SHANK2: variants seen among roughly 807,000 people sequenced by gnomAD.
SHANK2 encodes the protein SH3 and multiple ankyrin repeat domains 2, also known as SH3 and multiple ankyrin repeat domains protein 2.
A neutral mutation model predicts 133.7 loss-of-function variants in SHANK2; 43 were observed. The observed-to-expected ratio is 0.32, with a 90% confidence interval of 0.25 to 0.41. The LOEUF is 0.41. Among genes scored for constraint, SHANK2 ranks in the 10% least tolerant of loss-of-function variants. The pLI, the probability that SHANK2 is intolerant of heterozygous loss-of-function variation, is 1.00. For synonymous variants in SHANK2, 1,017 were observed against 952.8 expected, an observed-to-expected ratio of 1.07 and a Z score of -1.24; for missense variants, 1,994 against 2,235.8, an observed-to-expected ratio of 0.89 and a Z score of 2.18.
chr11:70,746,314 C>G (rs1454328006), intron 14 of SHANK2, among the ~76,000 whole-genome samples: 1 of 151,932 alleles, frequency 6.6e-6, no homozygotes, highest in Non-Finnish European at 1.5e-5. Flanking sequence ...CGGGCTGCCC[C>G]ATGCTCACAG....
chr11:70,820,414 C>T lies in SHANK2; in HGVS notation c.1443G>A (p.Leu481=). 1.4e-6 allele frequency: 1 copy of T among 698,732 alleles called. No homozygotes were observed. The allele number at this position is 698,732 out of a possible 1,614,324, so 43.3% of individuals were successfully genotyped here. A position where few individuals can be genotyped will look rare whatever the true frequency, so the allele number is the denominator to read the frequency against. Residue 481 remains leucine, a synonymous_variant, in exon 12 of 26, where the codon CTG becomes CTA. Transcript: ENST00000601538. The stretch of plus-strand genomic sequence containing the variant: ...TCTTGCCGTCCTCGCCTGCGCCGCC[C>T]AGCCTGTTGAGCGATGGGGACCGGC... The part of the protein sequence containing the change: ...PRSRSPSLNR[L]GGAGEDGKRP...
intron 2 of SHANK2, among the ~76,000 whole-genome samples, chr11:71,200,844 A>ACC (rs1954005148): frequency 6.6e-6 from 1 of 151,654 alleles, no homozygotes; most frequent in Non-Finnish European, 1.5e-5. Context: ...ACACACACAC[A>ACC]CACACACACA....
intron 11 of SHANK2, among the ~76,000 whole-genome samples, chr11:70,885,483 G>A (rs1949724895): frequency 6.6e-6 from 1 of 152,232 alleles, no homozygotes; most frequent in East Asian, 1.9e-4. Context: ...CAGGGACTCC[G>A]TGTCCTCCAC....
At chr11:71,079,383 T>C (rs972661613) in intron 8 of SHANK2, among the ~76,000 whole-genome samples, 3 of 152,210 alleles carry the variant, frequency 2.0e-5, no homozygotes, top group African/African-American at 7.2e-5. Context: ...GCTCTCCGCG[T>C]GGAGGGCATA....
In SHANK2 at chr11:70,807,218, G is replaced by A; in HGVS notation, c.1494-47C>T. 1 of 699,182 alleles carries A rather than the reference G, an allele frequency of 1.4e-6. No individual in the cohort carries two copies. The highest frequency in any genetic ancestry group is 2.7e-5 in the East Asian group (1 of 37,100). 43.3% of individuals were successfully genotyped at this position (699,182 alleles called of 1,614,324 possible). On this transcript the variant is annotated intron_variant, in intron 12 of 25. Coordinates refer to ENST00000601538, the MANE Select transcript of SHANK2 (RefSeq NM_012309.5). The surrounding 1 kb of genome is among the most constrained non-coding windows in gnomAD (Gnocchi z 4.8). ...GAGAGAGAGAGAGCAGAGTCACAAG[G>A]TCACAAGCCACATGCCACAAACCAC...
intron 3 of SHANK2, among the ~76,000 whole-genome samples, chr11:71,135,482 G>GTTT (rs71949830): frequency 1.3e-4 from 15 of 115,706 alleles, no homozygotes; most frequent in Admixed American, 1.9e-4. Flanking sequence ...GGGGGGATAT[G>GTTT]TTTTTTTTTT....
intron 15 of SHANK2, among the ~76,000 whole-genome samples, chr11:70,678,659 C>T (rs1185300869): frequency 6.6e-6 from 1 of 150,968 alleles, no homozygotes; most frequent in Non-Finnish European, 1.5e-5. Context: ...TCTCCAGCCT[C>T]AGCCTCCCAA....
At chr11:71,244,624 G>A (rs782126685) in intron 1 of SHANK2, among the ~76,000 whole-genome samples, 60 of 152,176 alleles carry the variant, frequency 3.9e-4, no homozygotes, top group Admixed American at 3.3e-3. Flanking sequence ...GAGCAGATAC[G>A]GGAACCCAGC....
chr11:71,184,693 C>A (rs1303387358), intron 2 of SHANK2, among the ~76,000 whole-genome samples: 1 of 152,208 alleles, frequency 6.6e-6, no homozygotes, highest in African/African-American at 2.4e-5. Flanking sequence ...ACTGTCTGGT[C>A]TGCCACTTGG....
chr11:70,613,518 TA>T, intron 17 of SHANK2, among the ~76,000 whole-genome samples: 1 of 152,172 alleles, frequency 6.6e-6, no homozygotes, highest in African/African-American at 2.4e-5. Context: ...TTTCTTTTTT[TA>T]AAAACAAAGT....
intron 17 of SHANK2, among the ~76,000 whole-genome samples, chr11:70,651,391 T>TA (rs1555010083): frequency 6.6e-6 from 1 of 152,024 alleles, no homozygotes; most frequent in African/African-American, 2.4e-5. Context: ...TCCCAGTCAA[T>TA]ATGGAGGACA....
intron 14 of SHANK2, among the ~76,000 whole-genome samples, chr11:70,757,470 G>T (rs1555039180): frequency 6.6e-6 from 1 of 152,228 alleles, no homozygotes; most frequent in East Asian, 1.9e-4. Context: ...TGCGGCAGCA[G>T]CTCCCATGGC....
chr11:71,188,745 G>A lies in SHANK2; in HGVS notation c.-13+35952C>T, dbSNP rs1319415717. Among the ~76,000 whole-genome samples the A allele has an allele frequency of 2.0e-5, 3 of 152,122 alleles. No homozygotes were observed. Among genetic ancestry groups the A allele is most frequent in the South Asian group, 2.1e-4 (1 of 4,822 alleles). ...TCCTCATCTGCTGAGGGCCTGCCAC[G>A]TCCCTGCACTGTGCTGGGTGCTGGC... On this transcript the variant is annotated intron_variant, in intron 2 of 25. Transcript: ENST00000601538. The surrounding 1 kb of genome is among the most constrained non-coding windows in gnomAD (Gnocchi z 4.6).
intron 1 of SHANK2, among the ~76,000 whole-genome samples, chr11:71,236,668 C>A (rs1414753042): frequency 6.6e-6 from 1 of 152,200 alleles, no homozygotes; most frequent in Admixed American, 6.5e-5. Flanking sequence ...CTAGCCCAGG[C>A]CTGTTTTTAT....
At chr11:70,917,020 T>C (rs1357113738) in intron 10 of SHANK2, among the ~76,000 whole-genome samples, 3 of 152,066 alleles carry the variant, frequency 2.0e-5, no homozygotes, top group African/African-American at 7.2e-5. Flanking sequence ...AAAGTCAGCA[T>C]GAGGAGAGGG....
At chr11:70,566,040 G>A (rs1444142211) in intron 17 of SHANK2, among the ~76,000 whole-genome samples, 3 of 152,154 alleles carry the variant, frequency 2.0e-5, no homozygotes, top group African/African-American at 7.2e-5. Flanking sequence ...AGAAGGGAAA[G>A]GGCATGTTCT....
At chr11:70,508,904 G>A (rs1260338830) in intron 17 of SHANK2, among the ~76,000 whole-genome samples, 1 of 152,136 alleles carries the variant, frequency 6.6e-6, no homozygotes, top group Non-Finnish European at 1.5e-5. Flanking sequence ...AAAGAGAGTC[G>A]GGGGAGTCTG....
intron 11 of SHANK2, among the ~76,000 whole-genome samples, chr11:70,876,822 T>C (rs693877): frequency 0.89 from 135,914 of 152,048 alleles, 61,891 homozygotes; most frequent in Non-Finnish European, 0.98. Context: ...GTAGGGGATG[T>C]TCCATCAGAA....
intron 11 of SHANK2, among the ~76,000 whole-genome samples, chr11:70,888,473 C>G (rs1299264744): frequency 1.3e-5 from 2 of 152,100 alleles, no homozygotes; most frequent in East Asian, 1.9e-4. Flanking sequence ...TGTGTCCCAC[C>G]CTTGACACTC....
Sources: gnomAD v4.1 joint callset for allele counts (sites outside exome capture counted in the v4.1 genomes callset) on GRCh38, gnomAD v4.1.1 for gene constraint, Gnocchi (gnomAD v3.1) non-coding constraint, MANE v1.5 for transcripts, NCBI Gene and HGNC (gene_info 2026-07-23, HGNC 2026-07-21) for gene names.